Variants in CYP4V2 observed in about 807,000 individuals in gnomAD.
CYP4V2 encodes cytochrome P450 4V2.
CYP4V2 carries 55 observed loss-of-function variants against 60.8 expected under a neutral mutation model. That is an observed-to-expected ratio of 0.90 (90% CI 0.73 to 1.13). The LOEUF is 1.13. Ranked by LOEUF, CYP4V2 falls within the 50% of genes most tolerant of loss-of-function variation. The pLI is 0.00. For missense variants in CYP4V2, 675 were observed against 662.9 expected, an observed-to-expected ratio of 1.02 and a Z score of -0.20; for synonymous variants, 239 against 236.8, an observed-to-expected ratio of 1.01 and a Z score of -0.08.
Position 186,191,714 on chromosome 4 carries a change from C to A in CYP4V2, c.-110C>A. ...CCGGGCGACCCCGCAGCGGGGAGCG[C>A]GCCAGGTCCGCGCGGGGAAGTGGGC... On this transcript the variant is annotated 5_prime_UTR_variant, in exon 1 of 11. Coordinates refer to ENST00000378802, the MANE Select transcript of CYP4V2 (RefSeq NM_207352.4). 9.2e-7 allele frequency: 1 copy of A among 1,083,330 alleles called. No homozygotes were observed. The highest frequency in any genetic ancestry group is 1.7e-5 in the African/African-American group (1 of 60,386). The allele number at this position is 1,083,330 out of a possible 1,614,324, so 67.1% of individuals were successfully genotyped here.
chr4:186,209,102 G>A lies in CYP4V2; in HGVS notation c.1235G>A (p.Arg412Lys). Residue 412 changes from arginine (R) to lysine (K), a missense_variant, in exon 10 of 11, where the codon AGA (arginine) becomes AAA (lysine). Transcript: ENST00000378802. ...GACTACTTCTTGACAGCAGGTTACA[G>A]AGTTCTAAAAGGCACTGAAGCCGTC... is the stretch of plus-strand genomic sequence containing the variant. ...VSEDCEVAGY[R>K]VLKGTEAVII... The A allele has an allele frequency of 6.2e-7, 1 of 1,614,156 alleles. No individual in the cohort carries two copies.
Position 186,196,038 on chromosome 4 carries a change from C to T in CYP4V2, c.363C>T (p.Ser121=). Residue 121 remains serine, a synonymous_variant, in exon 3 of 11, where the codon TCC becomes TCT. Transcript: ENST00000378802. ...CTAGTTCAAAGCAAATTGACAAATCCTCTATGTACAAGTTTTTAGAACCAT... is the reference window on the plus strand; with the variant it reads ...CTAGTTCAAAGCAAATTGACAAATCTTCTATGTACAAGTTTTTAGAACCAT... ...ILTSSKQIDK[S]SMYKFLEPWL... 6.2e-7 allele frequency: 1 copy of T among 1,614,062 alleles called. No homozygotes were observed. The highest frequency in any genetic ancestry group is 8.5e-7 in the Non-Finnish European group (1 of 1,179,954).
chr4:186,197,650 CT>C, intron 5 of CYP4V2, 48 bp downstream of exon 5: 1 of 1,584,064 alleles, frequency 6.3e-7, no homozygotes, highest in Non-Finnish European at 8.7e-7. Flanking sequence ...TTGATTTAGG[CT>C]TTAAAAATTA....
intron 3 of CYP4V2, 79 bp downstream of exon 3, chr4:186,196,167 C>A: frequency 8.1e-7 from 1 of 1,238,510 alleles, no homozygotes; most frequent in Non-Finnish European, 1.2e-6. Context: ...AGAATTAACA[C>A]AGGGTAGCTT....
Position 186,191,640 on chromosome 4 carries a change from G to T in CYP4V2, c.-184G>T. 1 of 427,500 alleles carries T rather than the reference G, an allele frequency of 2.3e-6. No homozygotes were observed. The highest frequency in any genetic ancestry group is 3.7e-6 in the Non-Finnish European group (1 of 266,910). 26.5% of individuals were successfully genotyped at this position (427,500 alleles called of 1,614,324 possible). A position where few individuals can be genotyped will look rare whatever the true frequency, so the allele number is the denominator to read the frequency against. ...CCGGGCCGGGCGCAGGAACAGCCCC[G>T]TGGCGCCCTCTCTGGCCGCCGCCCG... On this transcript the variant is annotated 5_prime_UTR_variant, in exon 1 of 11. Coordinates refer to ENST00000378802, the MANE Select transcript of CYP4V2 (RefSeq NM_207352.4).
intron 3 of CYP4V2, 50 bp downstream of exon 3, chr4:186,196,138 C>T (rs771704381): frequency 1.0e-5 from 15 of 1,441,988 alleles, no homozygotes; most frequent in African/African-American, 7.0e-5. Context: ...GTTACTTCTA[C>T]GTGCAACTTG....
At chr4:186,198,460 C>G (rs2126586632) in intron 5 of CYP4V2, among the ~76,000 whole-genome samples, 2 of 152,274 alleles carry the variant, frequency 1.3e-5, no homozygotes, top group African/African-American at 4.8e-5. Flanking sequence ...TGCAGGAGAT[C>G]ACATAGGGGT....
intron 7 of CYP4V2, chr4:186,204,490 C>A (rs1423430019): frequency 1.6e-5 from 3 of 188,668 alleles, no homozygotes; most frequent in South Asian, 1.3e-4. Flanking sequence ...CCTTACTGCA[C>A]AGGGTGTGGA....
chr4:186,199,234 TCCATG>T, intron 6 of CYP4V2, 151 bp downstream of exon 6: 1 of 819,104 alleles, frequency 1.2e-6, no homozygotes, highest in East Asian at 2.7e-5. Flanking sequence ...TTTTGGTAAG[TCCATG>T]ATGTTGATGT....
At chr4:186,208,553 G>A (rs899184356) in intron 8 of CYP4V2, among the ~76,000 whole-genome samples, 1 of 149,006 alleles carries the variant, frequency 6.7e-6, no homozygotes, top group Non-Finnish European at 1.5e-5. Context: ...TTAGCATCCA[G>A]TACCTTGATC....
At chr4:186,209,513 A>G (rs1212119263) in intron 10 of CYP4V2, among the ~76,000 whole-genome samples, 3 of 152,230 alleles carry the variant, frequency 2.0e-5, no homozygotes, top group African/African-American at 7.2e-5. Context: ...GGTGGCTTAA[A>G]CAGCAGAAAT....
At position 186,208,959 on chromosome 4, in the gene CYP4V2, T is replaced by A; in HGVS notation, c.1185T>A (p.Val395=). Residue 395 remains valine, a synonymous_variant, in exon 9 of 11, where the codon GTT becomes GTA. Coordinates refer to ENST00000378802, the MANE Select transcript of CYP4V2 (RefSeq NM_207352.4). ...AGACCCTTCGCCTTTTTCCTTCTGT[T>A]CCTTTATTTGCCCGTAGTGTTAGTG... The part of the protein sequence containing the change: ...IKETLRLFPS[V]PLFARSVSED... 6.2e-7 allele frequency: 1 copy of A among 1,614,240 alleles called. No homozygotes were observed. The highest frequency in any genetic ancestry group is 1.3e-5 in the African/African-American group (1 of 75,060).
chr4:186,203,597 G>A (rs901198721), intron 7 of CYP4V2: 2 of 152,244 alleles, frequency 1.3e-5, no homozygotes, highest in African/African-American at 4.8e-5. Context: ...AAATGAAATC[G>A]GAAGTTCAGC....
At chr4:186,199,193 T>C in intron 6 of CYP4V2, 110 bp downstream of exon 6, 1 of 1,173,152 alleles carries the variant, frequency 8.5e-7, no homozygotes, top group Non-Finnish European at 1.2e-6. Flanking sequence ...CACGATGTTG[T>C]GCAACCATCC....
intron 10 of CYP4V2, 116 bp from the exon 11 acceptor site, chr4:186,210,353 C>T: frequency 7.5e-7 from 1 of 1,341,600 alleles, no homozygotes; most frequent in Non-Finnish European, 1.1e-6. Context: ...CATTCTGGTT[C>T]TCCTTCCACC....
rs1735986112 is a variant in CYP4V2 at position 186,191,741 on chromosome 4, G to C, written c.-83G>C. 1 of 1,261,218 alleles carries C rather than the reference G, an allele frequency of 7.9e-7. No homozygotes were observed. 78.1% of individuals were successfully genotyped at this position (1,261,218 alleles called of 1,614,324 possible). On this transcript the variant is annotated 5_prime_UTR_variant, in exon 1 of 11. Transcript: ENST00000378802. ...CCAGGTCCGCGCGGGGAAGTGGGCG[G>C]TGTGCGGCCGGCACCGCCTCGCACC...
At position 186,191,792 on chromosome 4, in the gene CYP4V2, CGGAGTGCACCCCGCGGCCGCCA is replaced by C. The variant is rs1561428943; in HGVS notation, c.-30_-9del. On this transcript the variant is annotated 5_prime_UTR_variant, in exon 1 of 11. Coordinates refer to ENST00000378802, the MANE Select transcript of CYP4V2 (RefSeq NM_207352.4). The stretch of plus-strand genomic sequence containing the variant: ...ACGCCCCCGCGGGCCCGCACTTTCC[CGGAGTGCACCCCGCGGCCGCCA>C]GCCGGGGCGATGGCGGGGCTCTGGC... The C allele has an allele frequency of 1.3e-6, 2 of 1,500,596 alleles. No homozygotes were observed. The highest frequency in any genetic ancestry group is 1.8e-6 in the Non-Finnish European group (2 of 1,131,064). The allele number at this position is 1,500,596 out of a possible 1,614,324, so 93.0% of individuals were successfully genotyped here.
At chr4:186,202,843 C>G (rs1561434627) in intron 7 of CYP4V2, 1 of 152,090 alleles carries the variant, frequency 6.6e-6, no homozygotes, top group East Asian at 1.9e-4. Context: ...GATACTCATG[C>G]ACATACACAC....
chr4:186,210,049 A>G (rs1736656296), intron 10 of CYP4V2, among the ~76,000 whole-genome samples: 1 of 152,216 alleles, frequency 6.6e-6, no homozygotes, highest in South Asian at 2.1e-4. Flanking sequence ...ACCCTGCATT[A>G]TAAACCCTTT....
Sources: allele counts gnomAD v4.1 joint callset (sites outside exome capture counted in the v4.1 genomes callset), GRCh38; gene constraint gnomAD v4.1.1; transcripts MANE v1.5; gene names NCBI Gene and HGNC (gene_info 2026-07-23, HGNC 2026-07-21).